Variants in LRBA observed in about 807,000 individuals in gnomAD.
The protein encoded by LRBA is lipopolysaccharide-responsive and beige-like anchor protein.
A neutral mutation model predicts 330.0 loss-of-function variants in LRBA; 176 were observed. That is an observed-to-expected ratio of 0.53 (90% CI 0.47 to 0.60). The LOEUF (loss-of-function observed/expected upper bound fraction) is 0.60. LRBA is among the 20% of genes least tolerant of loss of function. LRBA has a pLI of 0.00. For synonymous variants in LRBA, 1,230 were observed against 1,193.0 expected (o/e 1.03, Z -0.64); for missense variants, 3,259 against 3,444.8 (o/e 0.95, Z 1.35).
At chr4:150,542,747 T>C (rs1765445639) in intron 40 of LRBA, among the ~76,000 whole-genome samples, 1 of 152,154 alleles carries the variant, frequency 6.6e-6, no homozygotes, top group African/African-American at 2.4e-5. Flanking sequence ...ATGAATGTTC[T>C]TAAAAGACAA....
rs1783237775 is a variant in LRBA, at chr4:150,683,540, T to A, written c.5921+11A>T. The A allele has an allele frequency of 6.2e-7, 1 of 1,607,768 alleles. No homozygotes were observed. The highest frequency in any genetic ancestry group is 1.1e-5 in the South Asian group (1 of 90,498). On this transcript the variant is annotated intron_variant, in intron 37 of 56. Transcript: ENST00000651943. ...AAAATCAGTGGCCAAATCCTAAAGG[T>A]ATCCCTTTACCTCACTGCAGAATTT... is the stretch of plus-strand genomic sequence containing the variant.
chr4:150,396,175 CAGAAGGATG>C (rs1403542205), intron 47 of LRBA, among the ~76,000 whole-genome samples: 3 of 152,158 alleles, frequency 2.0e-5, no homozygotes, highest in Non-Finnish European at 4.4e-5. Context: ...AATAAAAAAG[CAGAAGGATG>C]AATTCCCTCC....
At chr4:150,659,965 C>T (rs1410090271) in intron 37 of LRBA, among the ~76,000 whole-genome samples, 1 of 9,712 alleles carries the variant, frequency 1.0e-4, no homozygotes, top group Admixed American at 1.5e-3. Flanking sequence ...GGGTCAGCCC[C>T]CCGCCCGGCC....
chr4:150,682,032 A>C (rs1783097603), intron 37 of LRBA, among the ~76,000 whole-genome samples: 1 of 152,216 alleles, frequency 6.6e-6, no homozygotes, highest in South Asian at 2.1e-4. Context: ...TCCCATCAAA[A>C]TAACCCATGA....
intron 47 of LRBA, among the ~76,000 whole-genome samples, chr4:150,382,270 T>C (rs1742378711): frequency 6.6e-6 from 1 of 152,044 alleles, no homozygotes; most frequent in Admixed American, 6.6e-5. Context: ...AGCAGGAGAG[T>C]AGCCTTGCAG....
chr4:150,695,138 C>A (rs1784515641), intron 36 of LRBA, among the ~76,000 whole-genome samples: 1 of 152,182 alleles, frequency 6.6e-6, no homozygotes, highest in African/African-American at 2.4e-5. Context: ...CATCATACAT[C>A]TGTTTGGAAA....
At chr4:150,709,163 AT>A (rs148592951) in intron 36 of LRBA, among the ~76,000 whole-genome samples, 4,231 of 151,992 alleles carry the variant, frequency 0.028, 183 homozygotes, top group African/African-American at 0.096. Context: ...ATTTTATCCA[AT>A]ATTCTCCAGC....
intron 37 of LRBA, among the ~76,000 whole-genome samples, chr4:150,674,894 A>G (rs1302561244): frequency 6.6e-6 from 1 of 152,076 alleles, no homozygotes; most frequent in African/African-American, 2.4e-5. Context: ...AAACCACAAG[A>G]ACAAAAACCA....
chr4:150,514,654 T>A (rs1762155326), intron 40 of LRBA, among the ~76,000 whole-genome samples: 1 of 152,114 alleles, frequency 6.6e-6, no homozygotes, highest in Non-Finnish European at 1.5e-5. Context: ...ATTCTGGCAC[T>A]TGTAACATCA....
intron 2 of LRBA, among the ~76,000 whole-genome samples, chr4:150,984,857 T>C (rs1741252139): frequency 6.6e-6 from 1 of 152,210 alleles, no homozygotes; most frequent in Non-Finnish European, 1.5e-5. Context: ...AAGTGATGGC[T>C]TAAAAAAAAC....
chr4:150,507,487 T>C (rs1761251689), intron 40 of LRBA, among the ~76,000 whole-genome samples: 1 of 142,826 alleles, frequency 7.0e-6, no homozygotes, highest in Non-Finnish European at 1.6e-5. Flanking sequence ...AAAGGATTCC[T>C]TATATAATAA....
intron 55 of LRBA, among the ~76,000 whole-genome samples, chr4:150,278,690 C>T (rs1747124450): frequency 6.6e-6 from 1 of 152,196 alleles, no homozygotes; most frequent in Non-Finnish European, 1.5e-5. Context: ...AATGGGCATC[C>T]ATGAATGAAA....
At chr4:150,696,819 T>TAGA (rs1242915852) in intron 36 of LRBA, among the ~76,000 whole-genome samples, 1 of 146,092 alleles carries the variant, frequency 6.8e-6, no homozygotes, top group Non-Finnish European at 1.5e-5. Flanking sequence ...GACCAGCCTG[T>TAGA]AGAGATGGCA....
chr4:150,864,215 C>T (rs1255657732), intron 22 of LRBA, among the ~76,000 whole-genome samples: 2 of 152,146 alleles, frequency 1.3e-5, no homozygotes, highest in South Asian at 2.1e-4. Flanking sequence ...GGATTACAGG[C>T]GTGAGCCACC....
intron 50 of LRBA, among the ~76,000 whole-genome samples, chr4:150,320,613 C>T (rs1390002670): frequency 6.6e-6 from 1 of 151,688 alleles, no homozygotes. Context: ...TCAAGACCAG[C>T]CTGGGCAACA....
At chr4:150,768,864 T>C (rs546614814) in intron 34 of LRBA, among the ~76,000 whole-genome samples, 104 of 150,614 alleles carry the variant, frequency 6.9e-4, no homozygotes, top group Non-Finnish European at 1.1e-3. Context: ...TTAAATATCA[T>C]AGGAAAATTT....
intron 47 of LRBA, among the ~76,000 whole-genome samples, chr4:150,369,301 A>G (rs1221927789): frequency 6.6e-6 from 1 of 152,200 alleles, no homozygotes; most frequent in Non-Finnish European, 1.5e-5. Context: ...CAAATGTTAT[A>G]AAATAATCTC....
intron 34 of LRBA, among the ~76,000 whole-genome samples, chr4:150,767,965 G>A (rs1358601443): frequency 6.7e-6 from 1 of 148,392 alleles, no homozygotes; most frequent in Non-Finnish European, 1.5e-5. Context: ...TCAAGAGGCT[G>A]AGGCAGAAGA....
chr4:150,996,579 A>G (rs1232411306), intron 2 of LRBA, among the ~76,000 whole-genome samples: 2 of 152,214 alleles, frequency 1.3e-5, no homozygotes, highest in African/African-American at 4.8e-5. Context: ...ACATGAAGAA[A>G]TAGATGCAAA....
Sources: gnomAD v4.1 joint callset for allele counts (sites outside exome capture counted in the v4.1 genomes callset) on GRCh38, gnomAD v4.1.1 for gene constraint, MANE v1.5 for transcripts, NCBI Gene and HGNC (gene_info 2026-07-23, HGNC 2026-07-21) for gene names.